The following ARB2A variants were observed in gnomAD, a reference collection of about 807,000 sequenced individuals.
ARB2A encodes ARB2 cotranscriptional regulator A, also known as cotranscriptional regulator ARB2A.
At chr5:93,770,545 T>C in the ARB2A span, among the ~76,000 whole-genome samples, 11 of 152,112 alleles carry the variant, frequency 7.2e-5, no homozygotes, top group Non-Finnish European at 4.4e-5. Context: ...CATGATTGTA[T>C]ATCTAGAAAA....
At chr5:94,073,750 G>A in the ARB2A span, among the ~76,000 whole-genome samples, 6 of 152,028 alleles carry the variant, frequency 3.9e-5, no homozygotes, top group African/African-American at 1.4e-4. Context: ...CAACATACAA[G>A]CATGCAGTAA....
the ARB2A span, among the ~76,000 whole-genome samples, chr5:93,764,781 T>C: frequency 1.3e-5 from 2 of 152,188 alleles, no homozygotes; most frequent in East Asian, 1.9e-4. Flanking sequence ...TGAACATCGA[T>C]GCAAAAATCC....
the ARB2A span, among the ~76,000 whole-genome samples, chr5:93,990,520 T>C: frequency 1.4e-5 from 2 of 145,440 alleles, no homozygotes; most frequent in Non-Finnish European, 3.0e-5. Context: ...GTAAGAAAGA[T>C]AGGCTATCTT....
chr5:94,066,960 G>C, the ARB2A span, among the ~76,000 whole-genome samples: 1 of 152,058 alleles, frequency 6.6e-6, no homozygotes, highest in Non-Finnish European at 1.5e-5. Flanking sequence ...CAATAAACCA[G>C]ATTCAACAGC....
the ARB2A span, among the ~76,000 whole-genome samples, chr5:93,960,102 A>G: frequency 1.4e-5 from 2 of 141,354 alleles, no homozygotes; most frequent in African/African-American, 5.3e-5. Context: ...CCCCAAAAAA[A>G]GCCCTGGATT....
At chr5:94,106,602 C>T in the ARB2A span, among the ~76,000 whole-genome samples, 1 of 151,932 alleles carries the variant, frequency 6.6e-6, no homozygotes, top group Admixed American at 6.6e-5. Context: ...AACTGCCATT[C>T]AACTCAGCAA....
chr5:93,868,074 C>T, the ARB2A span, among the ~76,000 whole-genome samples: 1 of 152,300 alleles, frequency 6.6e-6, no homozygotes, highest in Non-Finnish European at 1.5e-5. Context: ...AATCTCAGCC[C>T]TTTGGGATGC....
the ARB2A span, among the ~76,000 whole-genome samples, chr5:93,873,469 G>A: frequency 1.3e-5 from 2 of 151,330 alleles, no homozygotes; most frequent in African/African-American, 2.4e-5. Flanking sequence ...AAGGGGAAAG[G>A]GAAAGGAGAA....
chr5:93,768,929 G>T, the ARB2A span, among the ~76,000 whole-genome samples: 1 of 151,794 alleles, frequency 6.6e-6, no homozygotes, highest in Non-Finnish European at 1.5e-5. Flanking sequence ...TTGGGCACCA[G>T]TGTGAGACCA....
chr5:93,686,953 A>G, the ARB2A span, among the ~76,000 whole-genome samples: 1 of 152,192 alleles, frequency 6.6e-6, no homozygotes, highest in Non-Finnish European at 1.5e-5. Context: ...ACTAAAAAAA[A>G]ACTGCATTTT....
the ARB2A span, among the ~76,000 whole-genome samples, chr5:93,671,552 T>C: frequency 2.6e-5 from 4 of 152,098 alleles, no homozygotes; most frequent in East Asian, 1.9e-4. Flanking sequence ...GGATTTACAA[T>C]TCTAATTGAT....
the ARB2A span, among the ~76,000 whole-genome samples, chr5:93,670,468 T>C: frequency 6.6e-6 from 1 of 152,192 alleles, no homozygotes; most frequent in Admixed American, 6.5e-5. Context: ...GATTCTATGA[T>C]TTTCAAGCCT....
the ARB2A span, among the ~76,000 whole-genome samples, chr5:93,953,442 T>C: frequency 6.6e-6 from 1 of 152,260 alleles, no homozygotes; most frequent in East Asian, 1.9e-4. Context: ...TGGTTTTGGA[T>C]AAGATCTGGA....
At chr5:94,049,426 A>G in the ARB2A span, among the ~76,000 whole-genome samples, 1 of 152,086 alleles carries the variant, frequency 6.6e-6, no homozygotes, top group South Asian at 2.1e-4. Context: ...GGCTCGGCGC[A>G]GTGGCTCACA....
the ARB2A span, among the ~76,000 whole-genome samples, chr5:94,087,299 C>T: frequency 1.3e-5 from 2 of 151,930 alleles, no homozygotes; most frequent in South Asian, 4.2e-4. Flanking sequence ...CCCACCTACT[C>T]GGGGGGCTAA....
At chr5:94,046,629 G>A in the ARB2A span, among the ~76,000 whole-genome samples, 1 of 152,168 alleles carries the variant, frequency 6.6e-6, no homozygotes, top group Non-Finnish European at 1.5e-5. Context: ...CTATCTTAAA[G>A]TGCCTGCTTT....
the ARB2A span, among the ~76,000 whole-genome samples, chr5:93,705,138 A>G: frequency 1.3e-5 from 2 of 152,172 alleles, no homozygotes; most frequent in Non-Finnish European, 2.9e-5. Flanking sequence ...ATAAAGAAAA[A>G]AGACCATTCA....
chr5:93,960,082 C>CT, the ARB2A span, among the ~76,000 whole-genome samples: 3 of 35,520 alleles, frequency 8.4e-5, no homozygotes, highest in Admixed American at 1.1e-3. Flanking sequence ...ACTCTAGATG[C>CT]CCCCCCCCCC....
the ARB2A span, among the ~76,000 whole-genome samples, chr5:93,771,021 A>C: frequency 6.6e-6 from 1 of 152,230 alleles, no homozygotes; most frequent in Non-Finnish European, 1.5e-5. Flanking sequence ...AAAAAAACAA[A>C]GCTGGAGGCA....
Sources: allele counts gnomAD v4.1 joint callset (sites outside exome capture counted in the v4.1 genomes callset), GRCh38; gene constraint gnomAD v4.1.1; transcripts MANE v1.5; gene names NCBI Gene and HGNC (gene_info 2026-07-23, HGNC 2026-07-21).